The following AKT3 variants were observed in gnomAD, a reference collection of about 807,000 sequenced individuals.
AKT3 encodes RAC-gamma serine/threonine-protein kinase.
In AKT3, 15 loss-of-function variants were observed where a neutral mutation model predicts 65.3. The ratio of observed to expected loss-of-function variants is 0.23; its 90% CI spans 0.15 to 0.35. AKT3 has a LOEUF of 0.35. Ranked by LOEUF, AKT3 falls within the 10% of genes least tolerant of loss-of-function variation. The probability of loss-of-function intolerance (pLI) is 1.00; values close to 1 mark genes in which losing one functional copy is unlikely to be tolerated. For missense variants in AKT3, 243 were observed against 576.5 expected (o/e 0.42, Z 5.92); for synonymous variants, 206 against 183.8 (o/e 1.12, Z -0.98).
chr1:243,751,762 G>A (rs940227954), intron 2 of AKT3, among the ~76,000 whole-genome samples: 6 of 152,062 alleles, frequency 3.9e-5, no homozygotes, highest in African/African-American at 1.4e-4. Flanking sequence ...GCCCACAGGG[G>A]AAGAGAGCTT....
At chr1:243,583,158 GTA>G (rs1417114493) in intron 8 of AKT3, among the ~76,000 whole-genome samples, 1 of 79,800 alleles carries the variant, frequency 1.3e-5, no homozygotes, top group African/African-American at 4.2e-5. Flanking sequence ...TCTCTTCCAT[GTA>G]TATGTGTGTG....
chr1:243,789,542 T>A (rs1408541872), intron 2 of AKT3, among the ~76,000 whole-genome samples: 1 of 152,252 alleles, frequency 6.6e-6, no homozygotes, highest in Non-Finnish European at 1.5e-5. Context: ...CTTTCTTCTT[T>A]GAAGTCTTGA....
chr1:243,584,747 C>T (rs1249237367), intron 8 of AKT3, among the ~76,000 whole-genome samples: 3 of 151,950 alleles, frequency 2.0e-5, no homozygotes, highest in South Asian at 2.1e-4. Flanking sequence ...AGGAACATAC[C>T]TGAAAATAAT....
At chr1:243,611,615 T>C (rs1344732154) in intron 8 of AKT3, among the ~76,000 whole-genome samples, 1 of 151,228 alleles carries the variant, frequency 6.6e-6, no homozygotes, top group East Asian at 1.9e-4. Flanking sequence ...GCTTAGGAGG[T>C]GGAAGTTGCA....
chr1:243,693,294 A>ATG (rs1684843970), intron 3 of AKT3, among the ~76,000 whole-genome samples: 1 of 117,192 alleles, frequency 8.5e-6, no homozygotes, highest in Non-Finnish European at 1.8e-5. Context: ...ATATATATAT[A>ATG]ACATTTCCCA....
At chr1:243,818,434 C>T (rs1234403725) in intron 2 of AKT3, among the ~76,000 whole-genome samples, 3 of 152,002 alleles carry the variant, frequency 2.0e-5, no homozygotes, top group African/African-American at 4.8e-5. Context: ...GCACATATTT[C>T]GCTAGAAGTA....
intron 2 of AKT3, among the ~76,000 whole-genome samples, chr1:243,720,114 A>G (rs1283258622): frequency 1.3e-5 from 2 of 151,962 alleles, no homozygotes; most frequent in Non-Finnish European, 2.9e-5. Flanking sequence ...GGAGGTCAAG[A>G]CCAGCCTGAC....
intron 2 of AKT3, among the ~76,000 whole-genome samples, chr1:243,733,268 G>C (rs1687660731): frequency 6.6e-6 from 1 of 152,144 alleles, no homozygotes. Flanking sequence ...ACATTAATGA[G>C]ACAAAAGATA....
intron 2 of AKT3, among the ~76,000 whole-genome samples, chr1:243,840,946 A>T (rs1204466048): frequency 6.6e-6 from 1 of 151,660 alleles, no homozygotes. Context: ...TAATGATGAG[A>T]CAATTAAAAA....
intron 10 of AKT3, among the ~76,000 whole-genome samples, chr1:243,553,269 A>G (rs1267164647): frequency 6.6e-6 from 1 of 152,194 alleles, no homozygotes; most frequent in Non-Finnish European, 1.5e-5. Context: ...TCTTAGGCCT[A>G]CTGACTTTTT....
At chr1:243,752,356 G>C (rs1688862059) in intron 2 of AKT3, among the ~76,000 whole-genome samples, 1 of 152,130 alleles carries the variant, frequency 6.6e-6, no homozygotes, top group Non-Finnish European at 1.5e-5. Context: ...ATTCTGAAAT[G>C]AACATTCTTT....
intron 12 of AKT3, among the ~76,000 whole-genome samples, chr1:243,517,441 TA>T (rs1167627823): frequency 3.9e-5 from 6 of 152,238 alleles, no homozygotes; most frequent in Non-Finnish European, 7.3e-5. Flanking sequence ...TAAATGTGTC[TA>T]TTTTTCCTTA....
At chr1:243,758,139 T>C (rs2148233543) in intron 2 of AKT3, among the ~76,000 whole-genome samples, 1 of 152,366 alleles carries the variant, frequency 6.6e-6, no homozygotes, top group Admixed American at 6.5e-5. Context: ...TGACAAATAT[T>C]AAGTGCCAGA....
At chr1:243,799,829 T>C (rs1182702772) in intron 2 of AKT3, among the ~76,000 whole-genome samples, 5 of 152,228 alleles carry the variant, frequency 3.3e-5, no homozygotes, top group Admixed American at 3.3e-4. Context: ...TTTCAATAAA[T>C]GCTCTTTTAC....
intron 4 of AKT3, among the ~76,000 whole-genome samples, chr1:243,657,070 T>G (rs1294391473): frequency 6.6e-6 from 1 of 152,210 alleles, no homozygotes; most frequent in African/African-American, 2.4e-5. Flanking sequence ...GAATAAATGT[T>G]TTGGGTTACT....
At chr1:243,754,389 G>A (rs1346373449) in intron 2 of AKT3, among the ~76,000 whole-genome samples, 1 of 152,164 alleles carries the variant, frequency 6.6e-6, no homozygotes, top group Admixed American at 6.5e-5. Flanking sequence ...CTCAAAACCA[G>A]GAGTAGTGAT....
chr1:243,733,315 A>G (rs1473442546), intron 2 of AKT3, among the ~76,000 whole-genome samples: 1 of 152,234 alleles, frequency 6.6e-6, no homozygotes, highest in Non-Finnish European at 1.5e-5. Context: ...TTGACTCATA[A>G]GAGACCTCAA....
At chr1:243,743,922 T>A (rs556911808) in intron 2 of AKT3, among the ~76,000 whole-genome samples, 1 of 152,222 alleles carries the variant, frequency 6.6e-6, no homozygotes, top group African/African-American at 2.4e-5. Flanking sequence ...ATATAAAGAA[T>A]AAACACTTAA....
chr1:243,770,115 T>C (rs1435646086), intron 2 of AKT3, among the ~76,000 whole-genome samples: 1 of 152,188 alleles, frequency 6.6e-6, no homozygotes, highest in East Asian at 1.9e-4. Context: ...CAATTAGCCA[T>C]ATATGTATGG....
Sources: allele counts gnomAD v4.1 joint callset (sites outside exome capture counted in the v4.1 genomes callset), GRCh38; gene constraint gnomAD v4.1.1; transcripts MANE v1.5; gene names NCBI Gene and HGNC (gene_info 2026-07-23, HGNC 2026-07-21).